Variants in SAMTOR observed in about 807,000 individuals in gnomAD.
The protein encoded by SAMTOR is S-adenosylmethionine sensor upstream of mTORC1.
the SAMTOR span, among the ~76,000 whole-genome samples, chr7:112,918,171 G>GA: frequency 6.6e-6 from 1 of 152,122 alleles, no homozygotes; most frequent in Admixed American, 6.5e-5. Flanking sequence ...TGAAATGAAG[G>GA]AAAAAATGTT....
the SAMTOR span, among the ~76,000 whole-genome samples, chr7:112,839,666 T>C: frequency 2.0e-5 from 3 of 151,898 alleles, no homozygotes; most frequent in African/African-American, 7.2e-5. Flanking sequence ...AGATACTATA[T>C]GTAATCTTTG....
chr7:112,839,746 TTA>T, the SAMTOR span, among the ~76,000 whole-genome samples: 1 of 151,946 alleles, frequency 6.6e-6, no homozygotes, highest in African/African-American at 2.4e-5. Context: ...TCAATTTTCA[TTA>T]TATATATGAA....
chr7:112,854,165 ACT>A, the SAMTOR span, among the ~76,000 whole-genome samples: 1 of 152,114 alleles, frequency 6.6e-6, no homozygotes, highest in African/African-American at 2.4e-5. Context: ...AAAATATCTG[ACT>A]CTGCATGAGA....
At chr7:112,934,829 C>A in the SAMTOR span, among the ~76,000 whole-genome samples, 1 of 152,146 alleles carries the variant, frequency 6.6e-6, no homozygotes, top group African/African-American at 2.4e-5. Flanking sequence ...TCTAGTGTAT[C>A]TTTTCAACTG....
the SAMTOR span, among the ~76,000 whole-genome samples, chr7:112,918,098 G>A: frequency 6.6e-5 from 10 of 152,156 alleles, no homozygotes; most frequent in Admixed American, 1.3e-4. Context: ...TACAGAGAAC[G>A]CCACAAAGAT....
At chr7:112,826,241 G>C in the SAMTOR span, among the ~76,000 whole-genome samples, 1 of 152,046 alleles carries the variant, frequency 6.6e-6, no homozygotes, top group African/African-American at 2.4e-5. Context: ...TATATAATTG[G>C]TATTATTTCT....
the SAMTOR span, among the ~76,000 whole-genome samples, chr7:112,936,162 C>G: frequency 6.6e-6 from 1 of 152,178 alleles, no homozygotes; most frequent in Non-Finnish European, 1.5e-5. Flanking sequence ...GATCTATTCA[C>G]TAGATAGTGA....
chr7:112,836,469 C>T, the SAMTOR span, among the ~76,000 whole-genome samples: 353 of 152,200 alleles, frequency 2.3e-3, 1 homozygote, highest in African/African-American at 8.3e-3. Context: ...TGTGCAGAAG[C>T]TCTTTAGTTT....
At chr7:112,881,126 T>C in the SAMTOR span, among the ~76,000 whole-genome samples, 6 of 152,180 alleles carry the variant, frequency 3.9e-5, no homozygotes, top group African/African-American at 7.2e-5. Flanking sequence ...CAGAGCAAAG[T>C]TGTGGGCCGA....
the SAMTOR span, among the ~76,000 whole-genome samples, chr7:112,938,808 T>C: frequency 1.3e-5 from 2 of 152,218 alleles, no homozygotes; most frequent in Non-Finnish European, 2.9e-5. Flanking sequence ...CTAAGGCTTC[T>C]TCCCCTATGA....
the SAMTOR span, chr7:112,821,206 C>G: frequency 6.6e-6 from 1 of 152,328 alleles, no homozygotes; most frequent in Non-Finnish European, 1.5e-5. Flanking sequence ...ACAAAAAGTT[C>G]AGTAAATATT....
At chr7:112,835,612 G>GT in the SAMTOR span, among the ~76,000 whole-genome samples, 5 of 151,716 alleles carry the variant, frequency 3.3e-5, no homozygotes, top group East Asian at 1.9e-4. Flanking sequence ...CCAATAGGTA[G>GT]TTTTTTTTAT....
the SAMTOR span, among the ~76,000 whole-genome samples, chr7:112,925,353 AC>A: frequency 6.6e-6 from 1 of 152,250 alleles, no homozygotes; most frequent in South Asian, 2.1e-4. Context: ...TAGAATCTAT[AC>A]ATTATAAGTA....
the SAMTOR span, among the ~76,000 whole-genome samples, chr7:112,878,376 G>C: frequency 6.6e-6 from 1 of 152,084 alleles, no homozygotes; most frequent in Non-Finnish European, 1.5e-5. Context: ...TAATGTTTTA[G>C]TATGAATATA....
the SAMTOR span, among the ~76,000 whole-genome samples, chr7:112,835,853 T>A: frequency 6.6e-6 from 1 of 152,136 alleles, no homozygotes. Context: ...CTATGGTGTA[T>A]ATGTACCATG....
the SAMTOR span, among the ~76,000 whole-genome samples, chr7:112,884,874 C>T: frequency 1.3e-5 from 2 of 152,254 alleles, no homozygotes; most frequent in Non-Finnish European, 2.9e-5. Flanking sequence ...TTCCCTTCCA[C>T]ACTGCCCTAG....
chr7:112,877,825 C>T, the SAMTOR span, among the ~76,000 whole-genome samples: 1 of 152,070 alleles, frequency 6.6e-6, no homozygotes, highest in Admixed American at 6.5e-5. Flanking sequence ...TCCCCGAAGT[C>T]CCCCAAACTT....
the SAMTOR span, among the ~76,000 whole-genome samples, chr7:112,837,716 T>C: frequency 3.2e-4 from 48 of 152,128 alleles, no homozygotes; most frequent in African/African-American, 1.1e-3. Flanking sequence ...TGGCTACTTG[T>C]GGTCATTTGG....
the SAMTOR span, chr7:112,939,283 T>A: frequency 2.4e-6 from 1 of 416,848 alleles, no homozygotes; most frequent in Admixed American, 4.0e-5. Flanking sequence ...TGAGCGTGTA[T>A]GTGTTTGTGT....
Sources: allele counts gnomAD v4.1 joint callset (sites outside exome capture counted in the v4.1 genomes callset), GRCh38; gene constraint gnomAD v4.1.1; transcripts MANE v1.5; gene names NCBI Gene and HGNC (gene_info 2026-07-23, HGNC 2026-07-21).